SAMD4B: variants seen among roughly 807,000 people sequenced by gnomAD.
SAMD4B encodes protein Smaug homolog 2.
SAMD4B carries 5 observed loss-of-function variants against 74.5 expected under a neutral mutation model. The observed-to-expected ratio is 0.07, with a 90% CI of 0.04 to 0.14. SAMD4B has a LOEUF of 0.14. Ranked by LOEUF, SAMD4B falls within the 10% of genes least tolerant of loss-of-function variation. SAMD4B has a pLI of 1.00. For synonymous variants in SAMD4B, 373 were observed against 374.9 expected (o/e 1.00, Z 0.06); for missense variants, 608 against 921.8 (o/e 0.66, Z 4.41).
chr19:39,379,931 C>T (rs779049677), intron 9 of SAMD4B, 35 bp from the exon 10 acceptor site: 10 of 1,514,252 alleles, frequency 6.6e-6, no homozygotes, highest in Admixed American at 5.1e-5. Flanking sequence ...GGAAGCATCA[C>T]CCTCTCTGCT....
rs763237352 is a variant in SAMD4B, at chr19:39,370,044, C to T, written c.586C>T (p.Arg196Trp). The stretch of plus-strand genomic sequence containing the variant: ...GCCAGGCTGGCAGGACAAGCCACCC[C>T]GGGAAAATGGACACGTGCCCTTCCA... ...AGPGWQDKPP[R>W]ENGHVPFHPS... Residue 196 changes from arginine to tryptophan, a missense_variant, in exon 4 of 14, where the codon CGG (arginine) becomes TGG (tryptophan). This residue lies in a region of SAMD4B where 153 missense variants were observed against 153.0 expected (regional missense o/e 1.00). Transcript: ENST00000610417. 34 of 1,611,822 alleles carry T rather than the reference C, an allele frequency of 2.1e-5. No homozygotes were observed. The highest frequency in any genetic ancestry group is 5.5e-5 in the South Asian group (5 of 90,722).
downstream of SAMD4B, chr19:39,386,726 G>A (rs1262999119): frequency 6.2e-7 from 1 of 1,613,958 alleles, no homozygotes; most frequent in Non-Finnish European, 8.5e-7. This position sits in a 1 kb window ranked among gnomAD's most constrained non-coding sequence, Gnocchi z 6.1. Flanking sequence ...TTCATGTCCC[G>A]ATGTTTGACC....
At chr19:39,381,795 GGT>G (rs2078003963) in intron 12 of SAMD4B, among the ~76,000 whole-genome samples, 1 of 152,174 alleles carries the variant, frequency 6.6e-6, no homozygotes, top group Non-Finnish European at 1.5e-5. Flanking sequence ...ATCTGGGCAT[GGT>G]GGCACACACC....
At chr19:39,351,220 G>A (rs117873860) in intron 1 of SAMD4B, 3,161 of 152,444 alleles carry the variant, frequency 0.021, 49 homozygotes, top group Middle Eastern at 0.041. Flanking sequence ...CTGAGCTCAA[G>A]CGATCCACCC....
At position 39,360,751 on chromosome 19, in the gene SAMD4B, A is replaced by G. The variant is rs556972634; in HGVS notation, c.196+3662A>G. On this transcript the variant is annotated intron_variant, in intron 3 of 13. Coordinates refer to ENST00000610417, the MANE Select transcript of SAMD4B (RefSeq NM_001384574.2). ...TCATACTCTTGTTTCTCCTCTGGTT[A>G]TTATGGCCTTCCCATTCCCTGGTGT... 3.3e-5 allele frequency among the ~76,000 whole-genome samples: 5 copies of G among 152,248 alleles called. No homozygotes were observed. In the South Asian group the frequency reaches 1.0e-3, roughly 32 times the overall value.
At chr19:39,346,475 C>CTAA (rs1299434512) in intron 1 of SAMD4B, among the ~76,000 whole-genome samples, 1 of 152,182 alleles carries the variant, frequency 6.6e-6, no homozygotes, top group Non-Finnish European at 1.5e-5. Flanking sequence ...CTTTAGTGAC[C>CTAA]TACAGAGTAA....
Position 39,383,651 on chromosome 19 carries a change from A to C in SAMD4B, c.*124A>C. The C allele has an allele frequency of 6.3e-7, 1 of 1,595,728 alleles. No individual in the cohort carries two copies. The highest frequency in any genetic ancestry group is 8.5e-7 in the Non-Finnish European group (1 of 1,172,844). ...CAGCTATATATTCTAATATTTTTCT[A>C]CTCTCTTACCCTCTTAACTTTTGTT... is the stretch of plus-strand genomic sequence containing the variant. On this transcript the variant is annotated 3_prime_UTR_variant, in exon 14 of 14. Transcript: ENST00000610417. The surrounding 1 kb of genome is among the most constrained non-coding windows in gnomAD (Gnocchi z 4.1).
At position 39,369,713 on chromosome 19, in the gene SAMD4B, C is replaced by T; in HGVS notation, c.255C>T (p.Ser85=). ...AGAAGGTGGTGTCCCTCCTGCTGTC[C>T]CACCTTCCCCTGCTTCAGCCAGGCA... The part of the protein sequence containing the change: ...SKEKVVSLLL[S]HLPLLQPGNT... Residue 85 remains serine (S), a synonymous_variant, in exon 4 of 14, where the codon TCC becomes TCT. Coordinates refer to ENST00000610417, the MANE Select transcript of SAMD4B (RefSeq NM_001384574.2). 1 of 1,614,154 alleles carries T rather than the reference C, an allele frequency of 6.2e-7. No homozygotes were observed. The highest frequency in any genetic ancestry group is 8.5e-7 in the Non-Finnish European group (1 of 1,180,018).
chr19:39,367,171 T>TA (rs1330301341), intron 3 of SAMD4B, among the ~76,000 whole-genome samples: 1 of 152,198 alleles, frequency 6.6e-6, no homozygotes, highest in Non-Finnish European at 1.5e-5. Flanking sequence ...TAAAGGGACA[T>TA]ATGCCACATC....
At chr19:39,382,617 G>A (rs1016606424) in intron 12 of SAMD4B, among the ~76,000 whole-genome samples, 1 of 152,112 alleles carries the variant, frequency 6.6e-6, no homozygotes, top group Non-Finnish European at 1.5e-5. Context: ...AAGCAGTGTA[G>A]TGAGGGAGGT....
At chr19:39,390,444 G>A (rs1398787404), downstream of SAMD4B, among the ~76,000 whole-genome samples, 2 of 152,192 alleles carry the variant, frequency 1.3e-5, no homozygotes, top group Admixed American at 6.5e-5. Flanking sequence ...TTAATGGAAG[G>A]AGACAAATGT....
chr19:39,345,018 A>C (rs1188054428), intron 1 of SAMD4B, among the ~76,000 whole-genome samples: 1 of 152,192 alleles, frequency 6.6e-6, no homozygotes, highest in African/African-American at 2.4e-5. Context: ...AGCAGCAGCC[A>C]CATTTGTTAG....
intron 2 of SAMD4B, among the ~76,000 whole-genome samples, chr19:39,355,073 A>G (rs1159854668): frequency 6.6e-6 from 1 of 152,052 alleles, no homozygotes; most frequent in Non-Finnish European, 1.5e-5. Flanking sequence ...GGATTTCGCC[A>G]CTTTGGCCAG....
chr19:39,380,385 C>A (rs568368501), intron 10 of SAMD4B, among the ~76,000 whole-genome samples: 5 of 152,224 alleles, frequency 3.3e-5, no homozygotes, highest in Non-Finnish European at 7.3e-5. Flanking sequence ...GATTGGAGAA[C>A]TGTTTTGAGT....
intron 3 of SAMD4B, among the ~76,000 whole-genome samples, chr19:39,362,785 C>T (rs1203234649): frequency 6.6e-6 from 1 of 152,064 alleles, no homozygotes; most frequent in African/African-American, 2.4e-5. Flanking sequence ...GCATTTTCTT[C>T]CCACCTCCTA....
At chr19:39,371,358 G>GC (rs2077284807) in intron 4 of SAMD4B, among the ~76,000 whole-genome samples, 2 of 152,276 alleles carry the variant, frequency 1.3e-5, no homozygotes, top group South Asian at 4.2e-4. Flanking sequence ...TGGTCCATCT[G>GC]CCTCCCTCCC....
downstream of SAMD4B, among the ~76,000 whole-genome samples, chr19:39,387,650 A>G (rs1365644022): frequency 6.6e-6 from 1 of 152,260 alleles, no homozygotes; most frequent in Non-Finnish European, 1.5e-5. Flanking sequence ...GCATAGCAGT[A>G]AACTTTGAGC....
downstream of SAMD4B, chr19:39,386,769 A>T: frequency 1.2e-6 from 2 of 1,614,108 alleles, no homozygotes; most frequent in Non-Finnish European, 1.7e-6. This position sits in a 1 kb window ranked among gnomAD's most constrained non-coding sequence, Gnocchi z 6.1. Context: ...ACTGAACCCC[A>T]GCCTTGGCCC....
At chr19:39,355,260 T>C (rs757694922) in intron 2 of SAMD4B, among the ~76,000 whole-genome samples, 2 of 152,180 alleles carry the variant, frequency 1.3e-5, no homozygotes, top group African/African-American at 4.8e-5. Context: ...TTAAAAAAAA[T>C]TGCTGGACGC....
Sources: gnomAD v4.1 joint callset for allele counts (sites outside exome capture counted in the v4.1 genomes callset) on GRCh38, gnomAD v4.1.1 for gene constraint, gnomAD v4.1.1 regional missense constraint, Gnocchi (gnomAD v3.1) non-coding constraint, MANE v1.5 for transcripts, NCBI Gene and HGNC (gene_info 2026-07-23, HGNC 2026-07-21) for gene names.